Variants in ARSB observed in about 807,000 individuals in gnomAD.
ARSB encodes the protein arylsulfatase B, also known as N-acetylgalactosamine-4-sulfatase.
In ARSB, 41 loss-of-function variants were observed where a neutral mutation model predicts 50.9. The observed-to-expected ratio is 0.81, with a 90% CI of 0.63 to 1.04. The LOEUF (loss-of-function observed/expected upper bound fraction) is 1.04. ARSB is among the 50% of genes least tolerant of loss of function. The pLI, the probability that ARSB is intolerant of heterozygous loss-of-function variation, is 0.00. For synonymous variants in ARSB, 269 were observed against 284.8 expected, an observed-to-expected ratio of 0.94 and a Z score of 0.56; for missense variants, 672 against 693.3, an observed-to-expected ratio of 0.97 and a Z score of 0.35.
chr5:78,791,103 C>T (rs1749222361), intron 6 of ARSB, among the ~76,000 whole-genome samples: 1 of 152,194 alleles, frequency 6.6e-6, no homozygotes, highest in Non-Finnish European at 1.5e-5. Flanking sequence ...ACTTTCCCTG[C>T]CAGTGTGATG....
At position 78,935,668 on chromosome 5, in the gene ARSB, T is replaced by C. The variant is rs1013042125; in HGVS notation, c.898+19627A>G. ...GGTTTAATCTCTAGCCACTTAGCTA[T>C]TATTATATCACACAACCTAATAACA... On this transcript the variant is annotated intron_variant, in intron 4 of 7. Transcript: ENST00000264914. 5.9e-5 allele frequency among the ~76,000 whole-genome samples: 9 copies of C among 152,206 alleles called. 1 individual carries two copies. The South Asian group carries it at 1.9e-3, about 32-fold the overall frequency.
At chr5:78,857,618 GCT>G (rs1166499826) in intron 5 of ARSB, among the ~76,000 whole-genome samples, 1 of 152,168 alleles carries the variant, frequency 6.6e-6, no homozygotes, top group Non-Finnish European at 1.5e-5. Flanking sequence ...ACAAAGCAGA[GCT>G]CTCTAATTAG....
At chr5:78,781,323 CT>C (rs376851173) in intron 7 of ARSB, among the ~76,000 whole-genome samples, 72 of 75,350 alleles carry the variant, frequency 9.6e-4, no homozygotes, top group Admixed American at 1.8e-3. Context: ...CTCTCTCTCT[CT>C]TTTTTTTTTT....
At chr5:78,843,344 G>A (rs917621226) in intron 5 of ARSB, among the ~76,000 whole-genome samples, 1 of 152,142 alleles carries the variant, frequency 6.6e-6, no homozygotes, top group Non-Finnish European at 1.5e-5. Context: ...TTCCACATGG[G>A]ATCTCAACTC....
chr5:78,983,956 A>G (rs1374986217), intron 1 of ARSB, among the ~76,000 whole-genome samples: 1 of 152,222 alleles, frequency 6.6e-6, no homozygotes, highest in Non-Finnish European at 1.5e-5. Flanking sequence ...GGTATCCAAC[A>G]GTTCCCATTT....
chr5:78,828,033 A>G (rs958137385), intron 6 of ARSB, among the ~76,000 whole-genome samples: 2 of 152,192 alleles, frequency 1.3e-5, no homozygotes, highest in African/African-American at 4.8e-5. Flanking sequence ...TGTTTTAAAA[A>G]TTCTACAAAC....
At chr5:78,787,222 C>T (rs189697860) in intron 6 of ARSB, among the ~76,000 whole-genome samples, 7 of 152,242 alleles carry the variant, frequency 4.6e-5, no homozygotes, top group African/African-American at 1.2e-4. Flanking sequence ...GCTGGGATTA[C>T]AGGTGTGAGC....
chr5:78,921,856 A>G (rs74502549), intron 4 of ARSB, among the ~76,000 whole-genome samples: 4,194 of 152,250 alleles, frequency 0.028, 80 homozygotes, highest in Non-Finnish European at 0.037. Context: ...TGCCTCACAC[A>G]TCTCCCCAGT....
chr5:78,930,606 T>G (rs1219658827), intron 4 of ARSB, among the ~76,000 whole-genome samples: 1 of 152,216 alleles, frequency 6.6e-6, no homozygotes, highest in Non-Finnish European at 1.5e-5. Flanking sequence ...CAATAATCTC[T>G]GAAATATTTT....
chr5:78,927,941 A>C (rs1750127374), intron 4 of ARSB, among the ~76,000 whole-genome samples: 1 of 152,058 alleles, frequency 6.6e-6, no homozygotes, highest in Admixed American at 6.6e-5. Flanking sequence ...GCCTCTGAAG[A>C]CTCTTAATTT....
intron 4 of ARSB, among the ~76,000 whole-genome samples, chr5:78,952,261 T>C (rs1394017146): frequency 1.3e-5 from 2 of 152,196 alleles, no homozygotes; most frequent in Admixed American, 1.3e-4. Context: ...GAAATATTTA[T>C]CTTAAAATAT....
chr5:78,795,824 T>A (rs1743162277), intron 6 of ARSB, among the ~76,000 whole-genome samples: 1 of 152,234 alleles, frequency 6.6e-6, no homozygotes, highest in Non-Finnish European at 1.5e-5. Flanking sequence ...AGTTTATGAT[T>A]TTCAGTTTAC....
At chr5:78,974,400 A>T (rs1028073164) in intron 1 of ARSB, among the ~76,000 whole-genome samples, 4 of 152,248 alleles carry the variant, frequency 2.6e-5, no homozygotes, top group African/African-American at 9.6e-5. Context: ...TGTAAAAAAG[A>T]ATAAACAAGT....
chr5:78,829,989 C>T (rs1490781592), intron 6 of ARSB, among the ~76,000 whole-genome samples: 10 of 152,236 alleles, frequency 6.6e-5, no homozygotes, highest in African/African-American at 2.4e-4. Context: ...TTTACCAGAC[C>T]TGGGGAGGCT....
At chr5:78,898,792 C>G (rs1391532020) in intron 4 of ARSB, among the ~76,000 whole-genome samples, 1 of 152,182 alleles carries the variant, frequency 6.6e-6, no homozygotes, top group Non-Finnish European at 1.5e-5. Context: ...GTTTTCACTC[C>G]TTGGCTCATG....
intron 4 of ARSB, among the ~76,000 whole-genome samples, chr5:78,917,544 A>T (rs1172917549): frequency 6.6e-6 from 1 of 151,846 alleles, no homozygotes; most frequent in Non-Finnish European, 1.5e-5. Flanking sequence ...ACAGAGTCTC[A>T]CTCTATCATC....
intron 3 of ARSB, 25 bp downstream of exon 3, chr5:78,964,391 A>C (rs752024772): frequency 1.2e-6 from 2 of 1,604,852 alleles, no homozygotes; most frequent in Non-Finnish European, 1.7e-6. Context: ...AGATTTTGCT[A>C]TCAGTAAATA....
chr5:78,790,750 C>T (rs1179911520), intron 6 of ARSB, among the ~76,000 whole-genome samples: 2 of 152,144 alleles, frequency 1.3e-5, no homozygotes, highest in African/African-American at 4.8e-5. Flanking sequence ...TTTACAACCT[C>T]TTCTACCCAA....
intron 6 of ARSB, among the ~76,000 whole-genome samples, chr5:78,791,606 G>A (rs568014037): frequency 6.6e-6 from 1 of 152,324 alleles, no homozygotes; most frequent in African/African-American, 2.4e-5. Context: ...TCTCCAGTCT[G>A]CTCATGGTTT....
Sources: gnomAD v4.1 joint callset for allele counts (sites outside exome capture counted in the v4.1 genomes callset) on GRCh38, gnomAD v4.1.1 for gene constraint, MANE v1.5 for transcripts, NCBI Gene and HGNC (gene_info 2026-07-23, HGNC 2026-07-21) for gene names.